The following DNAJC2 variants were observed in gnomAD, a reference collection of about 807,000 sequenced individuals.
DNAJC2 encodes dnaJ homolog subfamily C member 2.
DNAJC2 carries 32 observed loss-of-function variants against 94.0 expected under a neutral mutation model. That is an observed-to-expected ratio of 0.34 (90% CI 0.26 to 0.46). The LOEUF is 0.46. Among genes scored for constraint, DNAJC2 ranks in the 20% least tolerant of loss-of-function variants. DNAJC2 has a pLI of 1.00. For missense variants in DNAJC2, 550 were observed against 719.5 expected (o/e 0.76, Z 2.69); for synonymous variants, 210 against 229.7 (o/e 0.91, Z 0.77).
chr7:103,318,493 T>C (rs1818197452), intron 12 of DNAJC2, among the ~76,000 whole-genome samples: 1 of 152,220 alleles, frequency 6.6e-6, no homozygotes, highest in Non-Finnish European at 1.5e-5. Flanking sequence ...CCCTGGTCAC[T>C]AAAACTTGTG....
chr7:103,327,491 C>T (rs1057481714), intron 4 of DNAJC2, 165 bp downstream of exon 4: 8 of 681,378 alleles, frequency 1.2e-5, no homozygotes, highest in African/African-American at 7.3e-5. Flanking sequence ...CACTTTGTGT[C>T]GTGAGGCTCT....
rs913875559 is a variant in DNAJC2 at position 103,314,415 on chromosome 7, C to G, written c.1637-1314G>C. On this transcript the variant is annotated intron_variant, in intron 15 of 16. Coordinates refer to ENST00000379263, the MANE Select transcript of DNAJC2 (RefSeq NM_014377.3). ...ATAAAAGAGGCAAAGGAGTCATACC[C>G]ACATAGCACTACTGCCAGTCACTCT... The G allele has an allele frequency of 8.1e-6, 8 of 985,364 alleles. No individual in the cohort carries two copies. In the South Asian group the frequency reaches 2.3e-4, roughly 29 times the overall value. 61.0% of individuals were successfully genotyped at this position (985,364 alleles called of 1,614,324 possible).
chr7:103,334,776 A>C (rs1218568744), intron 3 of DNAJC2, among the ~76,000 whole-genome samples: 1 of 151,990 alleles, frequency 6.6e-6, no homozygotes, highest in Non-Finnish European at 1.5e-5. Flanking sequence ...GAGCATAATA[A>C]AATTATTTAT....
At chr7:103,339,864 G>A (rs1377052814) in intron 2 of DNAJC2, among the ~76,000 whole-genome samples, 1 of 152,060 alleles carries the variant, frequency 6.6e-6, no homozygotes, top group East Asian at 1.9e-4. Flanking sequence ...TTGAGATAGA[G>A]TTTTGCTCTT....
intron 1 of DNAJC2, 42 bp downstream of exon 1, chr7:103,344,517 G>T: frequency 2.5e-6 from 4 of 1,609,058 alleles, no homozygotes; most frequent in Non-Finnish European, 3.4e-6. Context: ...TGAGGCAGGG[G>T]CAGCTGAGGT....
rs769647623 is a variant in DNAJC2 at position 103,321,962 on chromosome 7, C to T, written c.1053G>A (p.Lys351=). 2.5e-6 allele frequency: 4 copies of T among 1,612,972 alleles called. No homozygotes were observed. The East Asian group carries it at 6.7e-5, about 27-fold the overall frequency. Residue 351 remains lysine (K), a synonymous_variant, in exon 10 of 17, where the codon AAG becomes AAA. Coordinates refer to ENST00000379263, the MANE Select transcript of DNAJC2 (RefSeq NM_014377.3). The part of the protein sequence containing the change: ...EKDIQKKAIK[K]ERQKLRNSCK... ...ATGAGTTTCGAAGTTTTTGCCTTTC[C>T]TTCTTAATGGCTTTTTTCTGGATAT...
At chr7:103,329,235 C>G (rs1484531048) in intron 3 of DNAJC2, 1 of 235,910 alleles carries the variant, frequency 4.2e-6, no homozygotes, top group Non-Finnish European at 8.4e-6. Context: ...ACCAGTTAAT[C>G]TTCTCCATGA....
chr7:103,314,122 T>C, intron 15 of DNAJC2: 1 of 985,444 alleles, frequency 1.0e-6, no homozygotes, highest in Non-Finnish European at 1.2e-6. Flanking sequence ...AGAAGCTTTT[T>C]TGAAGGTAGC....
intron 12 of DNAJC2, 57 bp from the exon 13 acceptor site, chr7:103,317,071 T>A: frequency 6.8e-7 from 1 of 1,460,908 alleles, no homozygotes; most frequent in South Asian, 1.2e-5. Context: ...TATTCTACAC[T>A]CTCTTCCTGG....
intron 5 of DNAJC2, among the ~76,000 whole-genome samples, chr7:103,325,653 GTTCTCC>G (rs967709696): frequency 1.3e-5 from 2 of 152,142 alleles, no homozygotes; most frequent in African/African-American, 4.8e-5. Context: ...AGTTCTTCCT[GTTCTCC>G]AGGTAATTCC....
intron 16 of DNAJC2, 109 bp from the exon 17 acceptor site, chr7:103,312,752 A>AT: frequency 6.5e-7 from 1 of 1,530,292 alleles, no homozygotes. Flanking sequence ...AGTACTAAAT[A>AT]TACTGATTTC....
intron 5 of DNAJC2, 32 bp from the exon 6 acceptor site, chr7:103,324,594 C>A: frequency 7.1e-7 from 1 of 1,413,852 alleles, no homozygotes; most frequent in Non-Finnish European, 9.5e-7. Context: ...TCTTACAATT[C>A]TTCAAAAATT....
chr7:103,312,602 T>C lies in DNAJC2; in HGVS notation c.1833A>G (p.Glu611=), dbSNP rs756968406. 3.1e-6 allele frequency: 5 copies of C among 1,613,724 alleles called. No homozygotes were observed. Among genetic ancestry groups the C allele is most frequent in the Non-Finnish European group, 4.2e-6 (5 of 1,179,860 alleles). Residue 611 remains glutamate (E), a synonymous_variant, in exon 17 of 17, where the codon GAA becomes GAG. Coordinates refer to ENST00000379263, the MANE Select transcript of DNAJC2 (RefSeq NM_014377.3). The part of the protein sequence containing the change: ...EMVKAKKAAQ[E]QVLNASRAKK ...TGGCTCTACTTGCATTCAGCACTTG[T>C]TCTTGAGCAGCTTTCTTTGCTTTTA...
At chr7:103,336,920 C>G (rs1477016895) in intron 3 of DNAJC2, 1 of 151,972 alleles carries the variant, frequency 6.6e-6, no homozygotes, top group African/African-American at 2.4e-5. Flanking sequence ...TAATTTTTAC[C>G]ACAGGCATTC....
Position 103,341,929 on chromosome 7 carries a change from A to T in DNAJC2, c.90T>A (p.Pro30=). The stretch of plus-strand genomic sequence containing the variant: ...CAAAAGCTTCAAACCATCTTCCCAC[A>T]GGTTCAACTTGACAGAGTGTAGAGG... ...TSASTLCQVE[P]VGRWFEAFVK... Residue 30 remains proline (P), a synonymous_variant, in exon 2 of 17, where the codon CCT becomes CCA. Coordinates refer to ENST00000379263, the MANE Select transcript of DNAJC2 (RefSeq NM_014377.3). 3 of 1,606,590 alleles carry T rather than the reference A, an allele frequency of 1.9e-6. No individual in the cohort carries two copies. The highest frequency in any genetic ancestry group is 2.5e-6 in the Non-Finnish European group (3 of 1,177,312).
intron 14 of DNAJC2, 30 bp from the exon 15 acceptor site, chr7:103,315,901 CAG>C (rs773523003): frequency 1.7e-5 from 26 of 1,558,816 alleles, no homozygotes; most frequent in Admixed American, 5.2e-5. Context: ...TAATACTTAA[CAG>C]ATCATCATTT....
chr7:103,330,182 T>C (rs1295034567), intron 3 of DNAJC2, among the ~76,000 whole-genome samples: 1 of 152,246 alleles, frequency 6.6e-6, no homozygotes, highest in Non-Finnish European at 1.5e-5. Context: ...ATCTGAGCTA[T>C]AATTTTGCTA....
At chr7:103,344,325 C>A (rs1334295908) in intron 1 of DNAJC2, 1 of 582,110 alleles carries the variant, frequency 1.7e-6, no homozygotes, top group East Asian at 2.9e-5. Flanking sequence ...TCAGCAGCGG[C>A]GAGAGGAGGA....
intron 10 of DNAJC2, 22 bp downstream of exon 10, chr7:103,321,910 G>T (rs778219220): frequency 1.3e-6 from 2 of 1,595,148 alleles, no homozygotes; most frequent in Non-Finnish European, 8.5e-7. Context: ...CTTGTGCCTA[G>T]TGTTTGTTCA....
Sources: gnomAD v4.1 joint callset for allele counts (sites outside exome capture counted in the v4.1 genomes callset) on GRCh38, gnomAD v4.1.1 for gene constraint, MANE v1.5 for transcripts, NCBI Gene and HGNC (gene_info 2026-07-23, HGNC 2026-07-21) for gene names.